Variants in ZBTB20 observed in about 807,000 individuals in gnomAD.
ZBTB20 encodes the protein zinc finger and BTB domain containing 20.
Under a neutral mutation model 56.9 loss-of-function variants are expected in ZBTB20, and 9 were observed. That is an observed-to-expected ratio of 0.16 (90% CI 0.10 to 0.28). The LOEUF (loss-of-function observed/expected upper bound fraction) is 0.28. Among genes scored for constraint, ZBTB20 ranks in the 10% least tolerant of loss-of-function variants. The pLI, the probability that ZBTB20 is intolerant of heterozygous loss-of-function variation, is 1.00. For missense variants in ZBTB20, 655 were observed against 1,003.0 expected (o/e 0.65, Z 4.69); for synonymous variants, 417 against 420.7 (o/e 0.99, Z 0.11).
chr3:115,078,949 A>T (rs773028432), intron 1 of ZBTB20, among the ~76,000 whole-genome samples: 115 of 152,190 alleles, frequency 7.6e-4, no homozygotes, highest in Non-Finnish European at 3.7e-4. Flanking sequence ...GAAGCTTAAA[A>T]GTTATTGGAC....
chr3:114,892,734 C>T lies in ZBTB20; in HGVS notation c.-417+7570G>A, dbSNP rs563133725. Among the ~76,000 whole-genome samples the T allele has an allele frequency of 7.9e-5, 12 of 152,236 alleles. No individual in the cohort carries two copies. In the South Asian group the frequency reaches 2.5e-3, roughly 32 times the overall value. ...CTTCAAACTGATTCAATTACATCTG[C>T]CTGAATAGTCCCAGGACATCAAACT... On this transcript the variant is annotated intron_variant, in intron 4 of 11. Coordinates refer to ENST00000675478, the MANE Select transcript of ZBTB20 (RefSeq NM_001348800.3).
chr3:114,589,005 C>T (rs2055469945), intron 6 of ZBTB20, among the ~76,000 whole-genome samples: 1 of 152,058 alleles, frequency 6.6e-6, no homozygotes. Flanking sequence ...CCTTATAAAA[C>T]CATCAGATCT....
chr3:114,357,424 T>C (rs2081365257), intron 10 of ZBTB20, among the ~76,000 whole-genome samples: 1 of 152,224 alleles, frequency 6.6e-6, no homozygotes. Context: ...CTAACTTGTT[T>C]ACAGTATTTA....
chr3:114,910,364 T>G (rs1352563178), intron 3 of ZBTB20, among the ~76,000 whole-genome samples: 1 of 151,278 alleles, frequency 6.6e-6, no homozygotes, highest in Non-Finnish European at 1.5e-5. Flanking sequence ...AATATAAAAT[T>G]TAATAAACCT....
At chr3:114,720,705 T>G (rs187156029) in intron 5 of ZBTB20, among the ~76,000 whole-genome samples, 1 of 152,316 alleles carries the variant, frequency 6.6e-6, no homozygotes, top group Admixed American at 6.5e-5. Flanking sequence ...AAACTTCCAA[T>G]TCAGACCATG....
In ZBTB20 at chr3:114,916,374, A is replaced by G. The variant is rs541210330; in HGVS notation, c.-455-16032T>C. ...TGTATGATATCAGTATATTTCAAGT[A>G]TACTTCCAAATATGATTACAGTATT... On this transcript the variant is annotated intron_variant, in intron 3 of 11. Coordinates refer to ENST00000675478, the MANE Select transcript of ZBTB20 (RefSeq NM_001348800.3). Among the ~76,000 whole-genome samples the G allele has an allele frequency of 2.0e-5, 3 of 152,146 alleles. No individual in the cohort carries two copies. In the East Asian group the frequency reaches 5.8e-4, roughly 29 times the overall value.
chr3:114,669,638 A>T (rs2061253033), intron 6 of ZBTB20, among the ~76,000 whole-genome samples: 1 of 151,916 alleles, frequency 6.6e-6, no homozygotes, highest in African/African-American at 2.4e-5. Flanking sequence ...AAAAAAAAAA[A>T]ACTAGCCCAA....
At chr3:114,649,398 G>A (rs1251947902) in intron 6 of ZBTB20, among the ~76,000 whole-genome samples, 3 of 151,838 alleles carry the variant, frequency 2.0e-5, no homozygotes, top group African/African-American at 7.3e-5. Context: ...AAATCTTCTG[G>A]GCTCATTTAA....
chr3:114,554,564 A>C (rs1242981803), intron 6 of ZBTB20, among the ~76,000 whole-genome samples: 2 of 152,210 alleles, frequency 1.3e-5, no homozygotes, highest in African/African-American at 4.8e-5. Context: ...AAAGGAAGAC[A>C]AAAAACAATA....
At chr3:115,085,943 A>G (rs2082969938) in intron 1 of ZBTB20, among the ~76,000 whole-genome samples, 1 of 152,034 alleles carries the variant, frequency 6.6e-6, no homozygotes, top group East Asian at 1.9e-4. Flanking sequence ...TTAGGAGTTC[A>G]TAAAAACAAT....
intron 2 of ZBTB20, among the ~76,000 whole-genome samples, chr3:115,042,182 G>C (rs2081170759): frequency 6.6e-6 from 1 of 151,974 alleles, no homozygotes; most frequent in Admixed American, 6.6e-5. Flanking sequence ...GATGTACAGA[G>C]GAACTGAAAA....
At chr3:114,416,692 C>T (rs2088597054) in intron 7 of ZBTB20, among the ~76,000 whole-genome samples, 1 of 152,028 alleles carries the variant, frequency 6.6e-6, no homozygotes, top group South Asian at 2.1e-4. Context: ...GGGCAGCTGT[C>T]CTTACTGCAC....
chr3:114,351,044 A>T lies in ZBTB20; in HGVS notation c.1034T>A (p.Val345Glu). ...GGATTCGTTGCGTTCCAGGATCTGC[A>T]CCCTTTGCTGCCCGTAGTAGTCGTA... is the stretch of plus-strand genomic sequence containing the variant. Reference protein sequence around the residue: ...DDYDYYGQQRVQILERNESEE... With the variant: ...DDYDYYGQQREQILERNESEE... Residue 345 changes from valine (V) to glutamate (E), a missense_variant, in exon 11 of 12, where the codon GTG becomes GAG. This residue lies in a region of ZBTB20 where 156 missense variants were observed against 181.0 expected (regional missense o/e 0.86). Coordinates refer to ENST00000675478, the MANE Select transcript of ZBTB20 (RefSeq NM_001348800.3). The T allele has an allele frequency of 6.2e-7, 1 of 1,606,924 alleles. No individual in the cohort carries two copies. The highest frequency in any genetic ancestry group is 8.5e-7 in the Non-Finnish European group (1 of 1,178,662).
chr3:114,816,095 C>A (rs570575318), intron 4 of ZBTB20, among the ~76,000 whole-genome samples: 70 of 152,276 alleles, frequency 4.6e-4, no homozygotes, highest in Middle Eastern at 3.4e-3. Flanking sequence ...ATTACATCAT[C>A]TCCCATGGCT....
At chr3:114,541,266 G>A (rs1019333060) in intron 6 of ZBTB20, among the ~76,000 whole-genome samples, 1 of 152,134 alleles carries the variant, frequency 6.6e-6, no homozygotes, top group Non-Finnish European at 1.5e-5. Context: ...TTAAGGTTGA[G>A]CTTCTAATTG....
At chr3:114,488,423 A>G (rs1246049996) in intron 7 of ZBTB20, among the ~76,000 whole-genome samples, 1 of 152,228 alleles carries the variant, frequency 6.6e-6, no homozygotes, top group Non-Finnish European at 1.5e-5. Context: ...CCTAGTTTAA[A>G]AAATGATTTT....
At chr3:114,657,294 T>C (rs987873325) in intron 6 of ZBTB20, among the ~76,000 whole-genome samples, 1 of 152,232 alleles carries the variant, frequency 6.6e-6, no homozygotes, top group African/African-American at 2.4e-5. Context: ...AATTTCTTAG[T>C]TCTTAGCTAT....
chr3:114,784,234 A>G (rs2070328856), intron 5 of ZBTB20, among the ~76,000 whole-genome samples: 1 of 152,224 alleles, frequency 6.6e-6, no homozygotes, highest in Non-Finnish European at 1.5e-5. Flanking sequence ...GAGGACTAAC[A>G]GAGTAAAATA....
chr3:114,842,577 G>A (rs952860572), intron 4 of ZBTB20, among the ~76,000 whole-genome samples: 1 of 152,184 alleles, frequency 6.6e-6, no homozygotes, highest in East Asian at 1.9e-4. Flanking sequence ...AAAGAGGAGT[G>A]TAGAACCAGG....
Sources: gnomAD v4.1 joint callset for allele counts (sites outside exome capture counted in the v4.1 genomes callset) on GRCh38, gnomAD v4.1.1 for gene constraint, gnomAD v4.1.1 regional missense constraint, MANE v1.5 for transcripts, NCBI Gene and HGNC (gene_info 2026-07-23, HGNC 2026-07-21) for gene names.